PITPNB: variants seen among roughly 807,000 people sequenced by gnomAD.
The protein encoded by PITPNB is phosphatidylinositol transfer protein beta.
A neutral mutation model predicts 45.9 loss-of-function variants in PITPNB; 16 were observed. The ratio of observed to expected loss-of-function variants is 0.35; its 90% confidence interval spans 0.24 to 0.53. The LOEUF is 0.53. Ranked by LOEUF, PITPNB falls within the 20% of genes least tolerant of loss-of-function variation. PITPNB has a pLI of 0.93. For missense variants in PITPNB, 188 were observed against 330.5 expected (o/e 0.57, Z 3.34); for synonymous variants, 112 against 108.9 (o/e 1.03, Z -0.18).
intron 8 of PITPNB, chr22:27,860,495 C>T (rs562391431): frequency 1.3e-5 from 4 of 313,470 alleles, no homozygotes; most frequent in African/African-American, 8.4e-5. Context: ...CCTCAAATAA[C>T]ACTATTCAGA....
At chr22:27,901,695 C>A (rs911923848) in intron 3 of PITPNB, among the ~76,000 whole-genome samples, 1 of 151,956 alleles carries the variant, frequency 6.6e-6, no homozygotes, top group Non-Finnish European at 1.5e-5. Flanking sequence ...ACCAGCCTGG[C>A]CAACATGATG....
chr22:27,865,589 T>C (rs150246399), intron 8 of PITPNB, among the ~76,000 whole-genome samples: 5 of 152,336 alleles, frequency 3.3e-5, no homozygotes, highest in Non-Finnish European at 7.3e-5. Context: ...AGCAATGTTC[T>C]AGAATCCACA....
chr22:27,865,207 G>T (rs1007534230), intron 8 of PITPNB, among the ~76,000 whole-genome samples: 1 of 152,176 alleles, frequency 6.6e-6, no homozygotes, highest in South Asian at 2.1e-4. Flanking sequence ...TGACTCTAAA[G>T]AAGTTTTTTT....
intron 8 of PITPNB, among the ~76,000 whole-genome samples, chr22:27,863,907 A>G (rs1934407058): frequency 6.6e-6 from 1 of 152,214 alleles, no homozygotes; most frequent in Non-Finnish European, 1.5e-5. Context: ...TTGTTCTATA[A>G]AATTCATTTT....
chr22:27,905,283 G>T (rs1935723532), intron 3 of PITPNB, among the ~76,000 whole-genome samples: 2 of 152,146 alleles, frequency 1.3e-5, no homozygotes, highest in South Asian at 4.1e-4. Flanking sequence ...AAGTAGCTGG[G>T]ATTACAGGTG....
intron 7 of PITPNB, among the ~76,000 whole-genome samples, chr22:27,885,240 A>G (rs2146384303): frequency 7.1e-6 from 1 of 140,030 alleles, no homozygotes; most frequent in Non-Finnish European, 1.5e-5. Flanking sequence ...AAAAAAAAAA[A>G]AAAAAAAAAA....
At chr22:27,883,466 A>G (rs1935031249) in intron 7 of PITPNB, among the ~76,000 whole-genome samples, 1 of 152,248 alleles carries the variant, frequency 6.6e-6, no homozygotes, top group Admixed American at 6.5e-5. Context: ...TTCACCATTA[A>G]TAATGTATAC....
intron 7 of PITPNB, among the ~76,000 whole-genome samples, chr22:27,884,223 G>A (rs899460838): frequency 6.6e-6 from 1 of 152,186 alleles, no homozygotes; most frequent in Non-Finnish European, 1.5e-5. Context: ...ACCCCCTGGG[G>A]GGGACATCTG....
chr22:27,868,129 G>A (rs1262542345), intron 8 of PITPNB, among the ~76,000 whole-genome samples: 4 of 152,150 alleles, frequency 2.6e-5, no homozygotes, highest in African/African-American at 7.2e-5. Flanking sequence ...AGATTACAGG[G>A]AGGGAACATG....
intron 9 of PITPNB, among the ~76,000 whole-genome samples, chr22:27,858,826 T>C (rs1439752255): frequency 6.6e-6 from 1 of 152,212 alleles, no homozygotes; most frequent in Non-Finnish European, 1.5e-5. Context: ...TATTTTTACC[T>C]TTTTCTAAAT....
In PITPNB at chr22:27,911,095, C is replaced by T. The variant is rs1274788946; in HGVS notation, c.66G>A (p.Gln22=). 6.2e-7 allele frequency: 1 copy of T among 1,612,730 alleles called. No individual in the cohort carries two copies. The highest frequency in any genetic ancestry group is 2.2e-5 in the East Asian group (1 of 44,848). The change falls in exon 3 of 12, where the codon CAG becomes CAA. Residue 22 remains glutamine (Q), a synonymous_variant. Coordinates refer to ENST00000335272, the MANE Select transcript of PITPNB (RefSeq NM_012399.5). ...PCSVQEYQVG[Q]LYSVAEASKN... ...TACTAGCTTCTGCAACAGAGTAAAG[C>T]TGCCCAACCTGATACTGAAATTTCA...
At chr22:27,861,723 A>G (rs1215534771) in intron 8 of PITPNB, among the ~76,000 whole-genome samples, 1 of 152,172 alleles carries the variant, frequency 6.6e-6, no homozygotes, top group African/African-American at 2.4e-5. Flanking sequence ...TTGAAGCCCC[A>G]GTGTTGGTGT....
In PITPNB at chr22:27,894,593, G is replaced by T. The variant is rs1392340784; in HGVS notation, c.418C>A (p.His140Asn). ...TGACTTCTATCTGCAATATCTATAT[G>T]GACAATTTCAACAGTTTTCCATGTG... The part of the protein sequence containing the change: ...PNTWKTVEIV[H>N]IDIADRSQVE... Residue 140 changes from histidine to asparagine, a missense_variant, in exon 7 of 12, where the codon CAT becomes AAT. By Grantham distance (68) the His-to-Asn change is moderately conservative (BLOSUM62 1). Coordinates refer to ENST00000335272, the MANE Select transcript of PITPNB (RefSeq NM_012399.5). 3.7e-6 allele frequency: 6 copies of T among 1,603,674 alleles called. No homozygotes were observed. The African/African-American group carries it at 6.7e-5, about 18-fold the overall frequency.
At chr22:27,918,856 G>C (rs1206088417) in intron 1 of PITPNB, among the ~76,000 whole-genome samples, 1 of 152,142 alleles carries the variant, frequency 6.6e-6, no homozygotes, top group East Asian at 1.9e-4. Flanking sequence ...GACCCAGCCT[G>C]GGGGTGGGGG....
intron 3 of PITPNB, chr22:27,910,555 T>C (rs1935891265): frequency 1.3e-5 from 2 of 159,480 alleles, no homozygotes; most frequent in Admixed American, 1.2e-4. Flanking sequence ...ATGGAAGATG[T>C]TCATCAGAAA....
At chr22:27,877,450 A>T (rs1479756810) in intron 7 of PITPNB, among the ~76,000 whole-genome samples, 1 of 152,258 alleles carries the variant, frequency 6.6e-6, no homozygotes, top group East Asian at 1.9e-4. Flanking sequence ...TATGGTAAAT[A>T]AATGGATTAC....
At position 27,870,769 on chromosome 22, in the gene PITPNB, T is replaced by C. The variant is rs139203202; in HGVS notation, c.534+2969A>G. ...TACAGAAGACACTGGTAAGATCAAG[T>C]CCAAAGGTTCCTATTTTCCTGTATG... is the stretch of plus-strand genomic sequence containing the variant. On this transcript the variant is annotated intron_variant, in intron 8 of 11. Coordinates refer to ENST00000335272, the MANE Select transcript of PITPNB (RefSeq NM_012399.5). Among the ~76,000 whole-genome samples, 1,029 of 152,322 alleles carry C rather than the reference T, an allele frequency of 6.8e-3. 7 individuals are homozygous for C. Among genetic ancestry groups the C allele is most frequent in the African/African-American group, 0.022 (934 of 41,566 alleles).
intron 10 of PITPNB, among the ~76,000 whole-genome samples, chr22:27,856,126 A>G (rs1250965855): frequency 6.6e-6 from 1 of 152,202 alleles, no homozygotes; most frequent in Non-Finnish European, 1.5e-5. Flanking sequence ...TGCACCACTT[A>G]ATGGTGAAAT....
chr22:27,917,305 T>G (rs1936109154), intron 1 of PITPNB, among the ~76,000 whole-genome samples: 1 of 152,252 alleles, frequency 6.6e-6, no homozygotes, highest in Non-Finnish European at 1.5e-5. Context: ...GAATACTGTG[T>G]GTCTGTAACA....
Sources: gnomAD v4.1 joint callset for allele counts (sites outside exome capture counted in the v4.1 genomes callset) on GRCh38, gnomAD v4.1.1 for gene constraint, MANE v1.5 for transcripts, NCBI Gene and HGNC (gene_info 2026-07-23, HGNC 2026-07-21) for gene names.